ENTREP2: variants seen among roughly 807,000 people sequenced by gnomAD.
The protein encoded by ENTREP2 is protein ENTREP2.
the ENTREP2 span, among the ~76,000 whole-genome samples, chr15:29,442,870 G>C: frequency 1.3e-5 from 2 of 152,178 alleles, no homozygotes; most frequent in Non-Finnish European, 2.9e-5. Context: ...CCACACACTT[G>C]ATCTGTTCAC....
At chr15:29,175,111 G>A in the ENTREP2 span, among the ~76,000 whole-genome samples, 1 of 152,184 alleles carries the variant, frequency 6.6e-6, no homozygotes, top group Non-Finnish European at 1.5e-5. Context: ...GCAGCCTGGT[G>A]TATGTATCAC....
chr15:29,136,488 C>T, the ENTREP2 span: 8 of 1,548,280 alleles, frequency 5.2e-6, no homozygotes, highest in Non-Finnish European at 7.0e-6. Context: ...GGAGCAAAGT[C>T]CAGGTGGAGG....
At chr15:29,628,374 G>A in the ENTREP2 span, among the ~76,000 whole-genome samples, 2 of 152,120 alleles carry the variant, frequency 1.3e-5, no homozygotes, top group East Asian at 3.9e-4. Flanking sequence ...ATATATTCAG[G>A]AAATTATTCT....
the ENTREP2 span, chr15:29,234,484 T>C: frequency 1.4e-6 from 2 of 1,454,394 alleles, no homozygotes; most frequent in South Asian, 2.3e-5. Context: ...GCCTATCATA[T>C]ATTTGTACTG....
At chr15:29,372,516 T>A in the ENTREP2 span, among the ~76,000 whole-genome samples, 7 of 152,232 alleles carry the variant, frequency 4.6e-5, no homozygotes, top group East Asian at 9.6e-4. Flanking sequence ...ACATGAGGGG[T>A]CAGTGCCCCT....
At chr15:29,559,600 GC>G in the ENTREP2 span, among the ~76,000 whole-genome samples, 1 of 152,032 alleles carries the variant, frequency 6.6e-6, no homozygotes, top group East Asian at 1.9e-4. Flanking sequence ...CTGCTTCCCT[GC>G]CTTTCCGGGC....
chr15:29,561,693 T>TAATA, the ENTREP2 span, among the ~76,000 whole-genome samples: 12 of 147,656 alleles, frequency 8.1e-5, no homozygotes, highest in Non-Finnish European at 1.6e-4. Flanking sequence ...ATCTCAAAAT[T>TAATA]ATAATAATAA....
chr15:29,123,588 G>A, the ENTREP2 span: 1 of 1,551,756 alleles, frequency 6.4e-7, no homozygotes, highest in Non-Finnish European at 8.7e-7. Context: ...CAGTTTTCCA[G>A]GTATCTGGGT....
the ENTREP2 span, among the ~76,000 whole-genome samples, chr15:29,537,125 A>C: frequency 6.6e-6 from 1 of 152,132 alleles, no homozygotes; most frequent in Non-Finnish European, 1.5e-5. Context: ...TAAATTAATA[A>C]ATTTTCCTTC....
the ENTREP2 span, among the ~76,000 whole-genome samples, chr15:29,427,050 G>A: frequency 9.2e-5 from 14 of 151,988 alleles, no homozygotes; most frequent in Non-Finnish European, 1.0e-4. Flanking sequence ...TGGGTGCTTG[G>A]TTTCTTTTTG....
chr15:29,376,136 A>G, the ENTREP2 span: 1 of 152,188 alleles, frequency 6.6e-6, no homozygotes, highest in Non-Finnish European at 1.5e-5. Flanking sequence ...TTATTGGTAA[A>G]AATAAATTCT....
the ENTREP2 span, chr15:29,269,833 T>C: frequency 4.2e-5 from 38 of 908,728 alleles, no homozygotes; most frequent in East Asian, 3.3e-4. Context: ...GCGTGCTGCG[T>C]CATGAAGCCT....
chr15:29,383,266 T>C, the ENTREP2 span, among the ~76,000 whole-genome samples: 18 of 152,176 alleles, frequency 1.2e-4, no homozygotes, highest in African/African-American at 3.9e-4. Flanking sequence ...CAACCCAACA[T>C]GTCCAAAAAT....
At chr15:29,286,857 C>G in the ENTREP2 span, among the ~76,000 whole-genome samples, 1 of 152,208 alleles carries the variant, frequency 6.6e-6, no homozygotes, top group Non-Finnish European at 1.5e-5. Flanking sequence ...AGATAATAGT[C>G]TTTGCTCTCC....
At chr15:29,661,912 T>C in the ENTREP2 span, among the ~76,000 whole-genome samples, 1 of 152,270 alleles carries the variant, frequency 6.6e-6, no homozygotes, top group South Asian at 2.1e-4. Context: ...CAGAAAACTA[T>C]TTACTTAAAG....
the ENTREP2 span, among the ~76,000 whole-genome samples, chr15:29,226,497 C>G: frequency 8.5e-5 from 13 of 152,206 alleles, 1 homozygote; most frequent in East Asian, 9.6e-4. Context: ...CCAAAACTAT[C>G]CCTGACCTGT....
chr15:29,383,014 C>T, the ENTREP2 span, among the ~76,000 whole-genome samples: 2 of 152,096 alleles, frequency 1.3e-5, no homozygotes, highest in Non-Finnish European at 2.9e-5. Context: ...GTTCTTCCCA[C>T]TTCCCAGGGG....
the ENTREP2 span, among the ~76,000 whole-genome samples, chr15:29,596,424 G>C: frequency 6.6e-6 from 1 of 151,776 alleles, no homozygotes; most frequent in East Asian, 1.9e-4. Context: ...TTTAATCCCA[G>C]TATACGTGTA....
the ENTREP2 span, among the ~76,000 whole-genome samples, chr15:29,511,242 G>A: frequency 2.0e-5 from 3 of 152,120 alleles, no homozygotes; most frequent in Admixed American, 2.0e-4. Flanking sequence ...GTGTTAAGCG[G>A]GTTTCCTGCA....
Sources: gnomAD v4.1 joint callset for allele counts (sites outside exome capture counted in the v4.1 genomes callset) on GRCh38, gnomAD v4.1.1 for gene constraint, MANE v1.5 for transcripts, NCBI Gene and HGNC (gene_info 2026-07-23, HGNC 2026-07-21) for gene names.